Variants in CDYL2 observed in about 807,000 individuals in gnomAD.
CDYL2 encodes the protein chromodomain Y-like protein 2.
Under a neutral mutation model 49.4 loss-of-function variants are expected in CDYL2, and 23 were observed. That is an observed-to-expected ratio of 0.47 (90% CI 0.34 to 0.66). The LOEUF (loss-of-function observed/expected upper bound fraction) is 0.66. Among genes scored for constraint, CDYL2 ranks in the 30% least tolerant of loss-of-function variants. The probability of loss-of-function intolerance (pLI) is 0.01; values close to 1 mark genes in which losing one functional copy is unlikely to be tolerated. For synonymous variants in CDYL2, 360 were observed against 268.8 expected (o/e 1.34, Z -3.32); for missense variants, 678 against 656.4 (o/e 1.03, Z -0.36).
chr16:80,662,035 G>C (rs1005814326), intron 2 of CDYL2, among the ~76,000 whole-genome samples: 1 of 152,150 alleles, frequency 6.6e-6, no homozygotes, highest in African/African-American at 2.4e-5. Flanking sequence ...GTTCCTAGTG[G>C]TGCATTCCGT....
chr16:80,708,503 G>A (rs1430374753), intron 1 of CDYL2, among the ~76,000 whole-genome samples: 1 of 152,136 alleles, frequency 6.6e-6, no homozygotes, highest in African/African-American at 2.4e-5. Context: ...CCAGTCTCGG[G>A]TAGGCTTTAC....
chr16:80,694,716 A>T (rs1296823393), intron 1 of CDYL2, among the ~76,000 whole-genome samples: 1 of 152,204 alleles, frequency 6.6e-6, no homozygotes, highest in Non-Finnish European at 1.5e-5. Flanking sequence ...CAATGAGCAC[A>T]TCCAGCAACA....
At chr16:80,700,975 C>G (rs1486598107) in intron 1 of CDYL2, among the ~76,000 whole-genome samples, 1 of 152,214 alleles carries the variant, frequency 6.6e-6, no homozygotes, top group Non-Finnish European at 1.5e-5. Context: ...CAGCCTGGGT[C>G]TCTGAGGGAC....
intron 1 of CDYL2, among the ~76,000 whole-genome samples, chr16:80,759,117 T>TATATATAC (rs1469158690): frequency 8.2e-6 from 1 of 122,098 alleles, no homozygotes; most frequent in Non-Finnish European, 1.6e-5. Flanking sequence ...TATATATATA[T>TATATATAC]ATATATATAT....
chr16:80,612,121 A>G lies in CDYL2; in HGVS notation c.1218+505T>C, dbSNP rs552118494. Among the ~76,000 whole-genome samples, 27 of 152,180 alleles carry G rather than the reference A, an allele frequency of 1.8e-4. No homozygotes were observed. Among genetic ancestry groups the G allele is most frequent in the African/African-American group, 6.5e-4 (27 of 41,540 alleles). On this transcript the variant is annotated intron_variant, in intron 5 of 6. Coordinates refer to ENST00000570137, the MANE Select transcript of CDYL2 (RefSeq NM_152342.4). The surrounding 1 kb of genome is among the most constrained non-coding windows in gnomAD (Gnocchi z 5.0). ...GAAGCTGAGTCATGGCCAATACCAC[A>G]TGAGTGGAGGGGAAGACGCCCCTGC...
intron 2 of CDYL2, chr16:80,670,904 C>A: frequency 2.2e-6 from 1 of 455,972 alleles, no homozygotes; most frequent in Non-Finnish European, 4.4e-6. Context: ...ATAAAAGGGG[C>A]TCTATACACA....
chr16:80,730,019 C>A (rs1371503329), intron 1 of CDYL2, among the ~76,000 whole-genome samples: 1 of 152,040 alleles, frequency 6.6e-6, no homozygotes, highest in Non-Finnish European at 1.5e-5. Flanking sequence ...AAAACTGACA[C>A]CCTAACATCA....
intron 1 of CDYL2, among the ~76,000 whole-genome samples, chr16:80,714,055 A>C (rs976989476): frequency 1.3e-5 from 2 of 152,118 alleles, no homozygotes; most frequent in African/African-American, 4.8e-5. Context: ...TAAATTCCTG[A>C]CCCTCAAAAC....
intron 1 of CDYL2, among the ~76,000 whole-genome samples, chr16:80,803,734 C>T (rs1427703253): frequency 7.2e-6 from 1 of 138,858 alleles, no homozygotes; most frequent in Non-Finnish European, 1.6e-5. Flanking sequence ...CCGGCCGCGG[C>T]GCGCCCCCCC....
intron 1 of CDYL2, among the ~76,000 whole-genome samples, chr16:80,760,092 A>G (rs775414409): frequency 5.0e-4 from 76 of 152,332 alleles, no homozygotes; most frequent in Non-Finnish European, 6.6e-4. Context: ...TTCACTTTAT[A>G]AAGATGGTTT....
intron 1 of CDYL2, among the ~76,000 whole-genome samples, chr16:80,755,047 T>C (rs564545553): frequency 5.8e-4 from 89 of 152,298 alleles, no homozygotes; most frequent in African/African-American, 1.8e-3. Flanking sequence ...AATAGACTTG[T>C]GCTTAAATCC....
In CDYL2 at chr16:80,804,531, G is replaced by T. The variant is rs1597141501; in HGVS notation, c.-358C>A. Among the ~76,000 whole-genome samples, 1 of 144,306 alleles carries T rather than the reference G, an allele frequency of 6.9e-6. No individual in the cohort carries two copies. Among genetic ancestry groups the T allele is most frequent in the South Asian group, 2.1e-4 (1 of 4,706 alleles). 94.7% of individuals were successfully genotyped at this position (144,306 alleles called of 152,430 possible). On this transcript the variant is annotated 5_prime_UTR_variant, in exon 1 of 7. Coordinates refer to ENST00000570137, the MANE Select transcript of CDYL2 (RefSeq NM_152342.4). ...GGCGGCGGTGGCTGCAGCCGGCAAC[G>T]GCTCGCCCCGGCGCCGCCTGCAGGA...
chr16:80,655,249 T>C (rs2142426020), intron 2 of CDYL2, among the ~76,000 whole-genome samples: 1 of 152,346 alleles, frequency 6.6e-6, no homozygotes, highest in East Asian at 1.9e-4. Flanking sequence ...ACAGAGATTG[T>C]AAATGGAAGA....
At chr16:80,706,894 G>A (rs929099741) in intron 1 of CDYL2, among the ~76,000 whole-genome samples, 21 of 152,134 alleles carry the variant, frequency 1.4e-4, no homozygotes, top group South Asian at 1.0e-3. Context: ...TCAGTTACAC[G>A]GCCAACTGAC....
chr16:80,799,899 C>T (rs1274088236), intron 1 of CDYL2, among the ~76,000 whole-genome samples: 1 of 152,216 alleles, frequency 6.6e-6, no homozygotes, highest in Non-Finnish European at 1.5e-5. Context: ...TCTTCAAATA[C>T]TGGTACAGAG....
At chr16:80,610,495 C>A (rs1291560268) in intron 5 of CDYL2, among the ~76,000 whole-genome samples, 2 of 152,114 alleles carry the variant, frequency 1.3e-5, no homozygotes, top group Non-Finnish European at 2.9e-5. Context: ...GAAGAGGGAA[C>A]TTAAGGGTAT....
intron 1 of CDYL2, among the ~76,000 whole-genome samples, chr16:80,785,737 A>G (rs1907413632): frequency 6.6e-6 from 1 of 152,182 alleles, no homozygotes; most frequent in South Asian, 2.1e-4. Context: ...AGTAAACAAA[A>G]CAGCATAGTA....
chr16:80,699,863 A>C (rs958772340), intron 1 of CDYL2, among the ~76,000 whole-genome samples: 8 of 151,584 alleles, frequency 5.3e-5, no homozygotes, highest in Non-Finnish European at 1.2e-4. Flanking sequence ...AGAATGACCA[A>C]AACAATTTTT....
At chr16:80,679,525 T>C (rs1030360980) in intron 2 of CDYL2, among the ~76,000 whole-genome samples, 3 of 152,196 alleles carry the variant, frequency 2.0e-5, no homozygotes, top group Non-Finnish European at 4.4e-5. Context: ...TCCACCTCTG[T>C]AAAATGGGTA....
Sources: allele counts gnomAD v4.1 joint callset (sites outside exome capture counted in the v4.1 genomes callset), GRCh38; gene constraint gnomAD v4.1.1; non-coding constraint Gnocchi (gnomAD v3.1); transcripts MANE v1.5; gene names NCBI Gene and HGNC (gene_info 2026-07-23, HGNC 2026-07-21).